VSTM2B: variants seen among roughly 807,000 people sequenced by gnomAD.
VSTM2B encodes the protein V-set and transmembrane domain containing 2B.
In VSTM2B, 24 loss-of-function variants were observed where a neutral mutation model predicts 24.0. The observed-to-expected ratio is 1.00, with a 90% CI of 0.72 to 1.40. The LOEUF (loss-of-function observed/expected upper bound fraction) is 1.40, where lower values mean the gene tolerates loss of function less well. VSTM2B is among the 40% of genes most tolerant of loss of function. The pLI, the probability that VSTM2B is intolerant of heterozygous loss-of-function variation, is 0.00. For missense variants in VSTM2B, 399 were observed against 416.4 expected, an observed-to-expected ratio of 0.96 and a Z score of 0.36; for synonymous variants, 226 against 194.4, an observed-to-expected ratio of 1.16 and a Z score of -1.35.
chr19:29,526,410 A>C lies in VSTM2B; in HGVS notation c.-174A>C. 2 of 226,002 alleles carry C rather than the reference A, an allele frequency of 8.8e-6. No homozygotes were observed. The highest frequency in any genetic ancestry group is 1.7e-5 in the Non-Finnish European group (2 of 119,506). 14.0% of individuals were successfully genotyped at this position (226,002 alleles called of 1,614,324 possible). A position where few individuals can be genotyped will look rare whatever the true frequency, so the allele number is the denominator to read the frequency against. On this transcript the variant is annotated 5_prime_UTR_variant, in exon 1 of 5. Coordinates refer to ENST00000335523, the MANE Select transcript of VSTM2B (RefSeq NM_001146339.2). This position sits in a 1 kb window ranked among gnomAD's most constrained non-coding sequence, Gnocchi z 4.1. The stretch of plus-strand genomic sequence containing the variant: ...CCCCCCGCCGGAGCCGCACCGGGCA[A>C]GCCGGCGAGGGAGCGGGGCTGATTG...
chr19:29,533,317 A>G (rs1969803856), intron 4 of VSTM2B, among the ~76,000 whole-genome samples: 1 of 152,188 alleles, frequency 6.6e-6, no homozygotes, highest in South Asian at 2.1e-4. Flanking sequence ...GCTTGCCTGG[A>G]TCCCAGCGGG....
intron 4 of VSTM2B, among the ~76,000 whole-genome samples, chr19:29,553,774 C>T (rs1303031638): frequency 1.3e-5 from 2 of 152,158 alleles, no homozygotes; most frequent in South Asian, 2.1e-4. Context: ...CTTGACAATA[C>T]AATCACAAAT....
In VSTM2B at chr19:29,526,520, G is replaced by A. The variant is rs1288297946; in HGVS notation, c.-64G>A. 2 of 1,359,752 alleles carry A rather than the reference G, an allele frequency of 1.5e-6. No individual in the cohort carries two copies. The highest frequency in any genetic ancestry group is 9.8e-7 in the Non-Finnish European group (1 of 1,022,266). 84.2% of individuals were successfully genotyped at this position (1,359,752 alleles called of 1,614,324 possible). A position where few individuals can be genotyped will look rare whatever the true frequency, so the allele number is the denominator to read the frequency against. ...TCCTAGCCCGAGCCGGAGCCGATCCGAGCCCACGCGGCCGCCGCCTCTCCG... is the reference window on the plus strand; with the variant it reads ...TCCTAGCCCGAGCCGGAGCCGATCCAAGCCCACGCGGCCGCCGCCTCTCCG... On this transcript the variant is annotated 5_prime_UTR_variant, in exon 1 of 5. Coordinates refer to ENST00000335523, the MANE Select transcript of VSTM2B (RefSeq NM_001146339.2). This position sits in a 1 kb window ranked among gnomAD's most constrained non-coding sequence, Gnocchi z 4.1.
Position 29,563,884 on chromosome 19 carries a change from C to T in VSTM2B, c.808C>T (p.Leu270=). ...RSYTTDPLLS[L]LLLALHKFLR... Reference sequence around the variant, plus strand: ...CTACACCACAGACCCACTCTTGTCCCTGCTCCTGTTAGCTCTGCATAAGTT... The same window carrying T: ...CTACACCACAGACCCACTCTTGTCCTTGCTCCTGTTAGCTCTGCATAAGTT... The change falls in exon 5 of 5, where the codon CTG becomes TTG. Residue 270 remains leucine (L), a synonymous_variant. Coordinates refer to ENST00000335523, the MANE Select transcript of VSTM2B (RefSeq NM_001146339.2). The T allele has an allele frequency of 6.4e-7, 1 of 1,552,348 alleles. No individual in the cohort carries two copies. The highest frequency in any genetic ancestry group is 8.7e-7 in the Non-Finnish European group (1 of 1,147,124).
At chr19:29,558,787 A>G (rs139496512) in intron 4 of VSTM2B, among the ~76,000 whole-genome samples, 48 of 152,342 alleles carry the variant, frequency 3.2e-4, no homozygotes, top group Admixed American at 1.0e-3. Flanking sequence ...ATGAGTTGAT[A>G]GGTGCAGCAA....
chr19:29,553,262 G>C (rs750271045), intron 4 of VSTM2B, among the ~76,000 whole-genome samples: 2 of 152,198 alleles, frequency 1.3e-5, no homozygotes, highest in Non-Finnish European at 2.9e-5. Context: ...CATCTTTGCT[G>C]TTCTGTAGCC....
intron 4 of VSTM2B, among the ~76,000 whole-genome samples, chr19:29,561,825 C>T (rs1233234271): frequency 1.3e-5 from 2 of 152,158 alleles, no homozygotes; most frequent in African/African-American, 2.4e-5. Context: ...GTCGTCCTTC[C>T]CAGTAATGCC....
chr19:29,539,569 G>T lies in VSTM2B; in HGVS notation c.769+9279G>T, dbSNP rs555790625. The stretch of plus-strand genomic sequence containing the variant: ...GTGAGAGCCACCTATGTCAGGGAGT[G>T]CCCCACAGGGATGGGCCTTTTGGGG... On this transcript the variant is annotated intron_variant, in intron 4 of 4. Coordinates refer to ENST00000335523, the MANE Select transcript of VSTM2B (RefSeq NM_001146339.2). Among the ~76,000 whole-genome samples the T allele has an allele frequency of 2.4e-4, 36 of 152,272 alleles. 2 individuals are homozygous for T. In the South Asian group the frequency reaches 7.5e-3, roughly 32 times the overall value.
At chr19:29,538,042 T>C (rs532227088) in intron 4 of VSTM2B, among the ~76,000 whole-genome samples, 10 of 152,214 alleles carry the variant, frequency 6.6e-5, no homozygotes, top group Non-Finnish European at 1.5e-4. Flanking sequence ...TGTTCCTCAC[T>C]GTTCAGCATG....
chr19:29,533,201 A>C (rs1599879367), intron 4 of VSTM2B, among the ~76,000 whole-genome samples: 1 of 152,218 alleles, frequency 6.6e-6, no homozygotes, highest in East Asian at 1.9e-4. Context: ...ATCCCAGCAG[A>C]TAGGACCTTG....
At chr19:29,551,830 A>C (rs1279948311) in intron 4 of VSTM2B, among the ~76,000 whole-genome samples, 1 of 152,222 alleles carries the variant, frequency 6.6e-6, no homozygotes, top group Non-Finnish European at 1.5e-5. Context: ...TCAATGCATC[A>C]GCCTGCATGC....
intron 4 of VSTM2B, among the ~76,000 whole-genome samples, chr19:29,561,141 ATC>A (rs2145519891): frequency 6.6e-6 from 1 of 151,908 alleles, no homozygotes; most frequent in East Asian, 1.9e-4. Context: ...ATGAAATTCC[ATC>A]TCTGCTAAAA....
intron 4 of VSTM2B, among the ~76,000 whole-genome samples, chr19:29,558,476 A>G (rs1473820417): frequency 6.6e-6 from 1 of 152,212 alleles, no homozygotes; most frequent in Non-Finnish European, 1.5e-5. Context: ...CCCATCAACC[A>G]TAGACTGGAT....
Position 29,530,110 on chromosome 19 carries a change from C to G in VSTM2B, c.589C>G (p.Arg197Gly). The change falls in exon 4 of 5, where the codon CGC becomes GGC. Residue 197 changes from arginine (R) to glycine (G), a missense_variant. By Grantham distance (125) the Arg-to-Gly change is moderately radical (BLOSUM62 -2). Coordinates refer to ENST00000335523, the MANE Select transcript of VSTM2B (RefSeq NM_001146339.2). Reference sequence around the variant, plus strand: ...GAGCCGTACCACCTCCGAGCCCGGCCGCGGCGACAAGAGCCCGCCGCCCGG... The same window carrying G: ...GAGCCGTACCACCTCCGAGCCCGGCGGCGGCGACAAGAGCCCGCCGCCCGG... ...AASRTTSEPGRGDKSPPPGSP... is the reference protein window; with the variant it reads ...AASRTTSEPGGGDKSPPPGSP... 1.4e-6 allele frequency: 2 copies of G among 1,446,608 alleles called. No homozygotes were observed. Among genetic ancestry groups the G allele is most frequent in the Non-Finnish European group, 1.8e-6 (2 of 1,108,668 alleles). The allele number at this position is 1,446,608 out of a possible 1,614,324, so 89.6% of individuals were successfully genotyped here.
At chr19:29,532,390 C>G (rs1174865258) in intron 4 of VSTM2B, among the ~76,000 whole-genome samples, 1 of 152,192 alleles carries the variant, frequency 6.6e-6, no homozygotes, top group African/African-American at 2.4e-5. Flanking sequence ...TTAGCCATCT[C>G]TGTTCAGCAT....
intron 4 of VSTM2B, among the ~76,000 whole-genome samples, chr19:29,546,988 TG>T (rs1432017139): frequency 6.6e-6 from 1 of 152,064 alleles, no homozygotes; most frequent in Non-Finnish European, 1.5e-5. Flanking sequence ...TCCAGCTCTT[TG>T]GGCCCGAGAG....
chr19:29,546,406 C>T (rs1276294487), intron 4 of VSTM2B, among the ~76,000 whole-genome samples: 8 of 152,190 alleles, frequency 5.3e-5, no homozygotes, highest in African/African-American at 1.7e-4. Flanking sequence ...TACCACCTAC[C>T]CACTGTGTGA....
In VSTM2B at chr19:29,530,008, G is replaced by A; in HGVS notation, c.487G>A (p.Val163Met). 1 of 1,540,234 alleles carries A rather than the reference G, an allele frequency of 6.5e-7. No homozygotes were observed. The stretch of plus-strand genomic sequence containing the variant: ...GCCCAACATGCAGGCCGCCGAGGCC[G>A]TGTCCCACATCCAGAGCAGCGGCCC... ...APPNMQAAEA[V>M]SHIQSSGPRR... Residue 163 changes from valine (V) to methionine (M), a missense_variant, in exon 4 of 5, where the codon GTG becomes ATG. By Grantham distance (21) the Val-to-Met change is conservative. Coordinates refer to ENST00000335523, the MANE Select transcript of VSTM2B (RefSeq NM_001146339.2).
intron 4 of VSTM2B, among the ~76,000 whole-genome samples, chr19:29,536,180 G>T (rs535113297): frequency 6.6e-6 from 1 of 152,196 alleles, no homozygotes; most frequent in Non-Finnish European, 1.5e-5. Context: ...CTTGCCATAA[G>T]GGGGAACCAG....
Sources: gnomAD v4.1 joint callset for allele counts (sites outside exome capture counted in the v4.1 genomes callset) on GRCh38, gnomAD v4.1.1 for gene constraint, Gnocchi (gnomAD v3.1) non-coding constraint, MANE v1.5 for transcripts, NCBI Gene and HGNC (gene_info 2026-07-23, HGNC 2026-07-21) for gene names.